STX8: variants seen among roughly 807,000 people sequenced by gnomAD.
STX8 encodes syntaxin 8.
A neutral mutation model predicts 37.5 loss-of-function variants in STX8; 23 were observed. The observed-to-expected ratio is 0.61, with a 90% CI of 0.44 to 0.87. The LOEUF (loss-of-function observed/expected upper bound fraction) is 0.87, where lower values mean the gene tolerates loss of function less well. STX8 is among the 40% of genes least tolerant of loss of function. STX8 has a pLI of 0.00. For missense variants in STX8, 313 were observed against 284.7 expected (o/e 1.10, Z -0.71); for synonymous variants, 115 against 99.1 (o/e 1.16, Z -0.95).
chr17:9,358,449 G>GTA (rs1168385259), intron 7 of STX8, among the ~76,000 whole-genome samples: 3 of 152,202 alleles, frequency 2.0e-5, no homozygotes, highest in Non-Finnish European at 4.4e-5. Context: ...CACTTTAAAA[G>GTA]GCATAATGGA....
chr17:9,561,484 C>A (rs1284722503), intron 2 of STX8, among the ~76,000 whole-genome samples: 1 of 151,770 alleles, frequency 6.6e-6, no homozygotes, highest in East Asian at 1.9e-4. Flanking sequence ...CATGGTGAAA[C>A]CTCATCTCTA....
chr17:9,498,158 TG>T (rs11338064), intron 5 of STX8, among the ~76,000 whole-genome samples: 148,667 of 152,136 alleles, frequency 0.98, 72,718 homozygotes, highest in Middle Eastern at 1. Flanking sequence ...GAGCCTGAGG[TG>T]GGGGGGGATC....
chr17:9,274,629 T>C (rs897790250), intron 7 of STX8, among the ~76,000 whole-genome samples: 16 of 147,768 alleles, frequency 1.1e-4, no homozygotes, highest in African/African-American at 3.7e-4. Flanking sequence ...TGAGCCGAGA[T>C]TGCACCACTG....
intron 7 of STX8, among the ~76,000 whole-genome samples, chr17:9,338,047 G>GGTTTTTTT (rs1308584043): frequency 7.9e-6 from 1 of 125,916 alleles, no homozygotes; most frequent in African/African-American, 3.3e-5. Flanking sequence ...ACCTCTGAAG[G>GGTTTTTTT]ATTTTTTTTT....
intron 6 of STX8, among the ~76,000 whole-genome samples, chr17:9,482,037 T>C (rs993029701): frequency 1.3e-5 from 2 of 152,114 alleles, no homozygotes; most frequent in African/African-American, 4.8e-5. Flanking sequence ...CCAGGCGTGG[T>C]GGGACATGCC....
At chr17:9,440,618 G>C (rs1904611896) in intron 6 of STX8, among the ~76,000 whole-genome samples, 1 of 150,940 alleles carries the variant, frequency 6.6e-6, no homozygotes, top group African/African-American at 2.4e-5. Context: ...TCCGCCTCCT[G>C]GGTTCAAGCG....
chr17:9,551,322 A>AT (rs1198041730), intron 3 of STX8, among the ~76,000 whole-genome samples: 1 of 152,212 alleles, frequency 6.6e-6, no homozygotes, highest in Non-Finnish European at 1.5e-5. Context: ...TGCAAGTACT[A>AT]TTTTAATACC....
At chr17:9,255,148 A>T (rs2142119245) in intron 7 of STX8, among the ~76,000 whole-genome samples, 1 of 152,276 alleles carries the variant, frequency 6.6e-6, no homozygotes, top group South Asian at 2.1e-4. Context: ...GTGGTGGCTA[A>T]GCTGCTAATT....
intron 4 of STX8, among the ~76,000 whole-genome samples, chr17:9,509,016 A>G (rs976369027): frequency 1.3e-5 from 2 of 152,210 alleles, no homozygotes; most frequent in Non-Finnish European, 2.9e-5. Context: ...TGGGAGGCCG[A>G]GGCTGGCAGA....
At chr17:9,523,383 C>CAT (rs1400066009) in intron 4 of STX8, among the ~76,000 whole-genome samples, 50 of 40,128 alleles carry the variant, frequency 1.2e-3, no homozygotes, top group South Asian at 5.2e-3. Flanking sequence ...TATATATGTA[C>CAT]ATATATATAT....
At chr17:9,268,338 C>T (rs376279810) in intron 7 of STX8, among the ~76,000 whole-genome samples, 4 of 151,624 alleles carry the variant, frequency 2.6e-5, no homozygotes, top group Non-Finnish European at 5.9e-5. Flanking sequence ...TACACTGGAT[C>T]GTGGAAAAGG....
In STX8 at chr17:9,551,919, A is replaced by G. The variant is rs150590101; in HGVS notation, c.212+5515T>C. ...GGGGGGGTGTAACTTATATAGAATT[A>G]CCAATTATACATTTTGCCAGGTATG... On this transcript the variant is annotated intron_variant, in intron 3 of 7. Coordinates refer to ENST00000306357, the MANE Select transcript of STX8 (RefSeq NM_004853.3). 3.1e-3 allele frequency among the ~76,000 whole-genome samples: 473 copies of G among 152,080 alleles called. 2 individuals are homozygous for G. Among genetic ancestry groups the G allele is most frequent in the African/African-American group, 0.01 (417 of 41,470 alleles).
chr17:9,543,777 C>T (rs1193128374), intron 4 of STX8, among the ~76,000 whole-genome samples: 2 of 152,194 alleles, frequency 1.3e-5, no homozygotes, highest in Non-Finnish European at 2.9e-5. Context: ...TTCATTTAAA[C>T]CCTGCCCAGG....
chr17:9,556,936 A>C (rs1907004759), intron 3 of STX8: 1 of 152,834 alleles, frequency 6.5e-6, no homozygotes, highest in Admixed American at 6.5e-5. Flanking sequence ...TGGAGGAAAA[A>C]TAAGGCACAT....
rs576070305 is a variant in STX8, at chr17:9,434,239, G to C, written c.542-55586C>G. ...AGGAGGGTCTCGATCTCTGGACCTC[G>C]TGATCCGCCGGCCTCAGCCTCCCAA... On this transcript the variant is annotated intron_variant, in intron 6 of 7. Transcript: ENST00000306357. Among the ~76,000 whole-genome samples the C allele has an allele frequency of 2.6e-5, 4 of 152,268 alleles. 1 individual carries two copies. The East Asian group carries it at 7.7e-4, about 29-fold the overall frequency.
chr17:9,280,873 A>G (rs1047148205), intron 7 of STX8, among the ~76,000 whole-genome samples: 5 of 152,254 alleles, frequency 3.3e-5, no homozygotes, highest in African/African-American at 7.2e-5. Flanking sequence ...AGAAAGCACA[A>G]TCTGTCGTAA....
chr17:9,514,858 C>A (rs9909169), intron 4 of STX8, among the ~76,000 whole-genome samples: 5,163 of 150,420 alleles, frequency 0.034, 327 homozygotes, highest in African/African-American at 0.12. Context: ...AGACAGAAGG[C>A]AGAAACTGAA....
At chr17:9,363,991 C>T (rs751079601) in intron 7 of STX8, among the ~76,000 whole-genome samples, 1 of 152,152 alleles carries the variant, frequency 6.6e-6, no homozygotes, top group African/African-American at 2.4e-5. Context: ...ACTTACTGCT[C>T]CTATTCCCAC....
chr17:9,504,814 A>G (rs1904758532), intron 5 of STX8, among the ~76,000 whole-genome samples: 1 of 151,444 alleles, frequency 6.6e-6, no homozygotes, highest in African/African-American at 2.4e-5. Context: ...CTGTACTAAA[A>G]ATACAAAAAA....
Sources: allele counts gnomAD v4.1 joint callset (sites outside exome capture counted in the v4.1 genomes callset), GRCh38; gene constraint gnomAD v4.1.1; transcripts MANE v1.5; gene names NCBI Gene and HGNC (gene_info 2026-07-23, HGNC 2026-07-21).